The following MPRIP variants were observed in gnomAD, a reference collection of about 807,000 sequenced individuals.
MPRIP encodes the protein myosin phosphatase Rho interacting protein.
In MPRIP, 59 loss-of-function variants were observed where a neutral mutation model predicts 234.9. The observed-to-expected ratio is 0.25, with a 90% CI of 0.20 to 0.31. The LOEUF (loss-of-function observed/expected upper bound fraction) is 0.31, where lower values mean the gene tolerates loss of function less well. Ranked by LOEUF, MPRIP falls within the 10% of genes least tolerant of loss-of-function variation. The pLI, the probability that MPRIP is intolerant of heterozygous loss-of-function variation, is 1.00. For synonymous variants in MPRIP, 1,144 were observed against 1,263.9 expected, an observed-to-expected ratio of 0.91 and a Z score of 2.01; for missense variants, 2,436 against 3,071.0, an observed-to-expected ratio of 0.79 and a Z score of 4.89.
intron 9 of MPRIP, among the ~76,000 whole-genome samples, chr17:17,144,017 G>A (rs752280298): frequency 2.0e-5 from 3 of 152,204 alleles, no homozygotes; most frequent in Non-Finnish European, 4.4e-5. Flanking sequence ...GTGGCACTTC[G>A]GAGGCAGAGG....
At chr17:17,158,401 G>C in intron 13 of MPRIP, 31 bp from the exon 14 acceptor site, 1 of 1,519,412 alleles carries the variant, frequency 6.6e-7, no homozygotes, top group South Asian at 1.3e-5. Context: ...AGCCGCCCCT[G>C]ACAGGCTATG....
intron 20 of MPRIP, 70 bp from the exon 21 acceptor site, chr17:17,176,356 A>C (rs2046253187): frequency 8.2e-7 from 1 of 1,217,132 alleles, no homozygotes; most frequent in Non-Finnish European, 1.2e-6. Context: ...TGCACGCTTC[A>C]GCCTGCTGTG....
In MPRIP at chr17:17,153,337, G is replaced by T. The variant is rs192692380; in HGVS notation, c.1720-969G>T. Among the ~76,000 whole-genome samples the T allele has an allele frequency of 1.1e-4, 16 of 152,212 alleles. No homozygotes were observed. In the East Asian group the frequency reaches 3.1e-3, roughly 30 times the overall value. On this transcript the variant is annotated intron_variant, in intron 12 of 23. Coordinates refer to ENST00000651222, the MANE Select transcript of MPRIP (RefSeq NM_001364716.4). ...TGCCGTCAGCTTCCCTACTGACCTG[G>T]CTGCTGAGTCTGCTTGTGAGCAGCT...
intron 8 of MPRIP, 137 bp from the exon 9 acceptor site, chr17:17,143,419 T>TGGG (rs2045374678): frequency 2.0e-6 from 1 of 508,772 alleles, no homozygotes; most frequent in South Asian, 4.0e-5. Flanking sequence ...AGACTTGCTA[T>TGGG]GGTGGCTAGG....
chr17:17,068,384 A>G (rs2089106096), intron 1 of MPRIP, among the ~76,000 whole-genome samples: 1 of 151,236 alleles, frequency 6.6e-6, no homozygotes, highest in South Asian at 2.1e-4. Context: ...TCCTGACCTC[A>G]GGTGATCTGC....
chr17:17,166,124 A>C lies in MPRIP; in HGVS notation c.4533A>C (p.Ala1511=). Residue 1511 remains alanine, a synonymous_variant, in exon 16 of 24, where the codon GCA becomes GCC. Transcript: ENST00000651222. The surrounding 1 kb of genome is among the most constrained non-coding windows in gnomAD (Gnocchi z 4.4). ...RAASLASVES[A]LVSAIQALQH... ...CCTCCCTGGCCAGTGTGGAGAGTGC[A>C]CTCGTCAGCGCCATCCAAGCCCTGC... 7.7e-7 allele frequency: 1 copy of C among 1,299,868 alleles called. No individual in the cohort carries two copies. The highest frequency in any genetic ancestry group is 1.0e-6 in the Non-Finnish European group (1 of 986,114). The allele number at this position is 1,299,868 out of a possible 1,614,324, so 80.5% of individuals were successfully genotyped here.
chr17:17,050,813 T>G (rs1220158894), intron 1 of MPRIP, among the ~76,000 whole-genome samples: 2 of 151,694 alleles, frequency 1.3e-5, no homozygotes, highest in Non-Finnish European at 3.0e-5. Flanking sequence ...GCCTCAGGCC[T>G]GTCCTGTGGG....
rs61739751 is a variant in MPRIP, at chr17:17,167,270, G to C, written c.5679G>C (p.Glu1893Asp). The C allele has an allele frequency of 1.2e-3, 1,522 of 1,303,956 alleles. 20 individuals are homozygous for C. The African/African-American group carries it at 0.021, about 18-fold the overall frequency. The allele number at this position is 1,303,956 out of a possible 1,614,324, so 80.8% of individuals were successfully genotyped here. ...AARALREEYE[E>D]LLRKQKSEYL... ...GGGCCCTGAGGGAGGAGTATGAGGA[G>C]CTTCTCCGCAAGCAGAAGAGCGAGT... Residue 1893 changes from glutamate (E) to aspartate (D), a missense_variant, in exon 16 of 24, where the codon GAG (glutamate) becomes GAC (aspartate). Around this residue, in one of 4 missense-constraint regions of MPRIP, gnomAD observed 1,998 missense variants for 2,520.3 expected, o/e 0.79. Coordinates refer to ENST00000651222, the MANE Select transcript of MPRIP (RefSeq NM_001364716.4). This position sits in a 1 kb window ranked among gnomAD's most constrained non-coding sequence, Gnocchi z 5.9.
chr17:17,109,814 A>G (rs1466378712), intron 3 of MPRIP, among the ~76,000 whole-genome samples: 1 of 152,214 alleles, frequency 6.6e-6, no homozygotes, highest in Non-Finnish European at 1.5e-5. Flanking sequence ...AATGCCAGGA[A>G]GTGCTTTGAG....
intron 1 of MPRIP, among the ~76,000 whole-genome samples, chr17:17,063,639 TC>T (rs1368255900): frequency 6.6e-6 from 1 of 152,142 alleles, no homozygotes; most frequent in East Asian, 1.9e-4. Flanking sequence ...ACTACCTTTC[TC>T]CCCACCCACT....
chr17:17,169,915 T>C (rs1296317329), intron 16 of MPRIP, among the ~76,000 whole-genome samples: 1 of 152,154 alleles, frequency 6.6e-6, no homozygotes, highest in Non-Finnish European at 1.5e-5. Flanking sequence ...GCATATAGTT[T>C]CTCTCCAAAG....
At chr17:17,120,091 A>G (rs868630542) in intron 3 of MPRIP, among the ~76,000 whole-genome samples, 26 of 152,222 alleles carry the variant, frequency 1.7e-4, no homozygotes, top group African/African-American at 6.0e-4. Flanking sequence ...TCTGGTCTGA[A>G]TGAGGGATTG....
chr17:17,157,743 G>T (rs763631443), intron 13 of MPRIP, among the ~76,000 whole-genome samples: 31 of 151,604 alleles, frequency 2.0e-4, no homozygotes, highest in Non-Finnish European at 3.8e-4. Flanking sequence ...CAGGAGAATC[G>T]CTTGAACCCA....
rs2088223143 is a variant in MPRIP at position 17,042,929 on chromosome 17, G to A, written c.81G>A (p.Lys27=). Residue 27 remains lysine (K), a synonymous_variant, in exon 1 of 24, where the codon AAG becomes AAA. Transcript: ENST00000651222. ...AGAGCAAGTGTCAGAACTGCTTCAA[G>A]CCCCGCGAGTCGCATCTGCTCAACG... ...FNKSKCQNCF[K]PRESHLLNDE... is the part of the protein sequence containing the mutation. The A allele has an allele frequency of 1.2e-6, 2 of 1,611,182 alleles. No homozygotes were observed. The highest frequency in any genetic ancestry group is 1.7e-6 in the Non-Finnish European group (2 of 1,179,134).
intron 22 of MPRIP, among the ~76,000 whole-genome samples, chr17:17,177,843 A>C (rs1055663911): frequency 2.0e-5 from 3 of 152,076 alleles, no homozygotes; most frequent in African/African-American, 7.2e-5. Context: ...TTGGCTAAAA[A>C]CATTTAGGTA....
At chr17:17,055,816 G>A (rs2088677282) in intron 1 of MPRIP, among the ~76,000 whole-genome samples, 1 of 152,152 alleles carries the variant, frequency 6.6e-6, no homozygotes, top group Non-Finnish European at 1.5e-5. Flanking sequence ...CTGAAGGGTG[G>A]CCTGCCCTGG....
Position 17,137,827 on chromosome 17 carries a change from G to T in MPRIP, c.737-89G>T, listed in dbSNP as rs181489843. 1.2e-4 allele frequency: 143 copies of T among 1,241,092 alleles called. No homozygotes were observed. The African/African-American group carries it at 1.6e-3, about 14-fold the overall frequency. The allele number at this position is 1,241,092 out of a possible 1,614,324, so 76.9% of individuals were successfully genotyped here. ...GGGAGGTGGAGAAGGCCCCTGCTTG[G>T]ATCCTACATGGGCTTTAAAAAAAAA... On this transcript the variant is annotated intron_variant, in intron 6 of 23. Transcript: ENST00000651222.
At chr17:17,162,445 T>C (rs962217626) in intron 15 of MPRIP, among the ~76,000 whole-genome samples, 6 of 152,232 alleles carry the variant, frequency 3.9e-5, no homozygotes, top group Non-Finnish European at 8.8e-5. Flanking sequence ...TTGCAGACTC[T>C]CTGCTGTTTC....
At chr17:17,140,715 C>T (rs1364521959) in intron 7 of MPRIP, among the ~76,000 whole-genome samples, 1 of 152,188 alleles carries the variant, frequency 6.6e-6, no homozygotes, top group South Asian at 2.1e-4. Context: ...TCGATGTGTC[C>T]GTTCCTCAGA....
Sources: gnomAD v4.1 joint callset for allele counts (sites outside exome capture counted in the v4.1 genomes callset) on GRCh38, gnomAD v4.1.1 for gene constraint, gnomAD v4.1.1 regional missense constraint, Gnocchi (gnomAD v3.1) non-coding constraint, MANE v1.5 for transcripts, NCBI Gene and HGNC (gene_info 2026-07-23, HGNC 2026-07-21) for gene names.